CCT4: variants seen among roughly 807,000 people sequenced by gnomAD.
The protein encoded by CCT4 is chaperonin containing TCP1 subunit 4.
CCT4 carries 17 observed loss-of-function variants against 62.5 expected under a neutral mutation model. The ratio of observed to expected loss-of-function variants is 0.27; its 90% CI spans 0.19 to 0.41. The LOEUF (loss-of-function observed/expected upper bound fraction) is 0.41, where lower values mean the gene tolerates loss of function less well. CCT4 is among the 10% of genes least tolerant of loss of function. The pLI is 1.00. For synonymous variants in CCT4, 250 were observed against 229.9 expected, an observed-to-expected ratio of 1.09 and a Z score of -0.79; for missense variants, 592 against 659.2, an observed-to-expected ratio of 0.90 and a Z score of 1.12.
chr2:61,879,034 T>C, intron 4 of CCT4, 23 bp from the exon 5 acceptor site: 1 of 1,561,060 alleles, frequency 6.4e-7, no homozygotes, highest in South Asian at 1.2e-5. Flanking sequence ...AAAGTCTAGT[T>C]ATTTAATTGT....
At chr2:61,872,419 T>G (rs1288049419) in intron 11 of CCT4, 39 bp downstream of exon 11, 1 of 1,523,470 alleles carries the variant, frequency 6.6e-7, no homozygotes, top group Non-Finnish European at 8.9e-7. Flanking sequence ...ATAGTTTTAA[T>G]GTTCAAAATG....
intron 12 of CCT4, among the ~76,000 whole-genome samples, chr2:61,871,692 G>A (rs1460284812): frequency 6.6e-6 from 1 of 152,120 alleles, no homozygotes; most frequent in Non-Finnish European, 1.5e-5. Flanking sequence ...TGCTAACTAG[G>A]GCAATGATTT....
At position 61,885,002 on chromosome 2, in the gene CCT4, A is replaced by G. The variant is rs759608901; in HGVS notation, c.180+18T>C. 6.4e-7 allele frequency: 1 copy of G among 1,569,000 alleles called. No homozygotes were observed. ...CAGCAGTGCTCAATTAGTAGTATTCAATGACTCAACTCTTTACCATTTTAT... is the reference window on the plus strand; with the variant it reads ...CAGCAGTGCTCAATTAGTAGTATTCGATGACTCAACTCTTTACCATTTTAT... On this transcript the variant is annotated intron_variant, in intron 2 of 13. Coordinates refer to ENST00000394440, the MANE Select transcript of CCT4 (RefSeq NM_006430.4).
rs1381877581 is a variant in CCT4, at chr2:61,877,117, T to C, written c.645-65A>G. ...AGTGGACATCTGTACGTTTAATAGA[T>C]GAACAGATTAAAAGTCATCAGTCCA... On this transcript the variant is annotated intron_variant, in intron 6 of 13. Transcript: ENST00000394440. 57 of 1,399,752 alleles carry C rather than the reference T, an allele frequency of 4.1e-5. 1 individual carries two copies. Among genetic ancestry groups the C allele is most frequent in the Non-Finnish European group, 5.4e-5 (54 of 1,002,698 alleles). The allele number at this position is 1,399,752 out of a possible 1,614,324, so 86.7% of individuals were successfully genotyped here.
chr2:61,875,783 A>C, intron 8 of CCT4, among the ~76,000 whole-genome samples: 1 of 152,062 alleles, frequency 6.6e-6, no homozygotes, highest in Non-Finnish European at 1.5e-5. Flanking sequence ...TTTTTGTAAA[A>C]GAAAATTACA....
chr2:61,878,094 A>G (rs928032912), intron 5 of CCT4, among the ~76,000 whole-genome samples: 1 of 152,224 alleles, frequency 6.6e-6, no homozygotes, highest in Non-Finnish European at 1.5e-5. Context: ...ATTACGCTAT[A>G]CTATCTGTAT....
In CCT4 at chr2:61,884,449, T is replaced by G. The variant is rs60337632; in HGVS notation, c.180+571A>C. Among the ~76,000 whole-genome samples the G allele has an allele frequency of 5.0e-3, 752 of 151,800 alleles. 3 individuals are homozygous for G. The highest frequency in any genetic ancestry group is 0.018 in the African/African-American group (732 of 41,358). The stretch of plus-strand genomic sequence containing the variant: ...CTCCCACCTCCTGAGTAACTGGGAT[T>G]ACAGGTGCCCGCCACCATGCCTGGC... On this transcript the variant is annotated intron_variant, in intron 2 of 13. Coordinates refer to ENST00000394440, the MANE Select transcript of CCT4 (RefSeq NM_006430.4).
At position 61,870,015 on chromosome 2, in the gene CCT4, C is replaced by T. The variant is rs147772509; in HGVS notation, c.1492-462G>A. On this transcript the variant is annotated intron_variant, in intron 12 of 13. Transcript: ENST00000394440. ...TATCTTGGCTAGGTGCGGTGGCTCA[C>T]GCCTGTAATCCCAGCACTTTGGGAG... Among the ~76,000 whole-genome samples the T allele has an allele frequency of 6.1e-3, 918 of 150,930 alleles. 9 individuals carry two copies. Among genetic ancestry groups the T allele is most frequent in the African/African-American group, 0.021 (877 of 41,132 alleles).
chr2:61,884,979 G>C, intron 2 of CCT4, 41 bp downstream of exon 2: 1 of 1,470,890 alleles, frequency 6.8e-7, no homozygotes, highest in Non-Finnish European at 9.4e-7. Context: ...AGTGTGAACA[G>C]CAGTGCTCAA....
intron 1 of CCT4, 127 bp downstream of exon 1, chr2:61,888,254 G>C: frequency 8.5e-7 from 1 of 1,170,430 alleles, no homozygotes; most frequent in Non-Finnish European, 1.2e-6. Flanking sequence ...CCACTGGGCT[G>C]CTTCTATAGG....
At chr2:61,886,529 G>A (rs1572928365) in intron 1 of CCT4, among the ~76,000 whole-genome samples, 1 of 152,124 alleles carries the variant, frequency 6.6e-6, no homozygotes, top group Non-Finnish European at 1.5e-5. Context: ...GGTGGCTCAC[G>A]CCTGTAATCC....
At chr2:61,871,535 A>C (rs530205112) in intron 12 of CCT4, among the ~76,000 whole-genome samples, 6 of 152,214 alleles carry the variant, frequency 3.9e-5, no homozygotes, top group Non-Finnish European at 7.3e-5. Context: ...AGATAGTTCC[A>C]TCATTTGGCG....
At chr2:61,886,389 G>C (rs1312661276) in intron 1 of CCT4, among the ~76,000 whole-genome samples, 2 of 152,180 alleles carry the variant, frequency 1.3e-5, no homozygotes, top group Non-Finnish European at 2.9e-5. Flanking sequence ...TCCAGCCTGG[G>C]GGACAGAGCA....
chr2:61,878,289 A>G (rs992868221), intron 5 of CCT4, among the ~76,000 whole-genome samples: 1 of 152,180 alleles, frequency 6.6e-6, no homozygotes, highest in Non-Finnish European at 1.5e-5. Flanking sequence ...AAAGCACAAC[A>G]CCGCTTTAAG....
chr2:61,885,310 G>A (rs1471766604), intron 1 of CCT4, among the ~76,000 whole-genome samples: 1 of 152,066 alleles, frequency 6.6e-6, no homozygotes, highest in East Asian at 1.9e-4. Flanking sequence ...AAATCACCAT[G>A]TCCACAGAAG....
At position 61,876,936 on chromosome 2, in the gene CCT4, G is replaced by C; in HGVS notation, c.761C>G (p.Ser254Cys). The change falls in exon 7 of 14, where the codon TCT becomes TGT. Residue 254 changes from serine to cysteine, a missense_variant. By Grantham distance (112) the Ser-to-Cys change is moderately radical. Transcript: ENST00000394440. ...TCTACTTACGTCTGTTTTGGGAGCA[G>C]ATAAGCAAAACTGAATAAGCCCAAT... ...AKIGLIQFCL[S>C]APKTDMDNQI... 6.2e-7 allele frequency: 1 copy of C among 1,612,222 alleles called. No individual in the cohort carries two copies. The highest frequency in any genetic ancestry group is 8.5e-7 in the Non-Finnish European group (1 of 1,179,392).
At chr2:61,882,814 T>C (rs1669148452) in intron 3 of CCT4, among the ~76,000 whole-genome samples, 1 of 152,102 alleles carries the variant, frequency 6.6e-6, no homozygotes, top group Admixed American at 6.5e-5. Context: ...CCCAGCTTTT[T>C]TTTTTTTTTC....
chr2:61,888,385 G>C lies in CCT4; in HGVS notation c.123C>G (p.Ala41=), dbSNP rs766123010. ...GTCAGGCCATGAGAGTGATACCTTT[G>C]GCGGCGGAAATGTTGCTGAAGCGGA... ...AQIRFSNISA[A]KAVADAIRTS... is the part of the protein sequence containing the mutation. The change falls in exon 1 of 14, where the codon GCC becomes GCG. Residue 41 remains alanine, a synonymous_variant. Coordinates refer to ENST00000394440, the MANE Select transcript of CCT4 (RefSeq NM_006430.4). 3.7e-6 allele frequency: 6 copies of C among 1,613,126 alleles called. No homozygotes were observed. Among genetic ancestry groups the C allele is most frequent in the Non-Finnish European group, 8.5e-7 (1 of 1,179,602 alleles).
rs945268847 is a variant in CCT4, at chr2:61,874,731, T to C, written c.917+1364A>G. ...CTAAATGACAAGGCAAGCAATTGCA[T>C]AGACCTTTAAATAAATTCCACTTTT... On this transcript the variant is annotated intron_variant, in intron 8 of 13. Coordinates refer to ENST00000394440, the MANE Select transcript of CCT4 (RefSeq NM_006430.4). Among the ~76,000 whole-genome samples the C allele has an allele frequency of 7.2e-5, 11 of 152,234 alleles. No individual in the cohort carries two copies. The East Asian group carries it at 1.2e-3, about 16-fold the overall frequency.
Sources: gnomAD v4.1 joint callset for allele counts (sites outside exome capture counted in the v4.1 genomes callset) on GRCh38, gnomAD v4.1.1 for gene constraint, MANE v1.5 for transcripts, NCBI Gene and HGNC (gene_info 2026-07-23, HGNC 2026-07-21) for gene names.